SNED1: variants seen among roughly 807,000 people sequenced by gnomAD.
SNED1 encodes the protein sushi, nidogen and EGF-like domain-containing protein 1.
A neutral mutation model predicts 166.7 loss-of-function variants in SNED1; 81 were observed. The observed-to-expected ratio is 0.49, with a 90% CI of 0.41 to 0.58. The LOEUF (loss-of-function observed/expected upper bound fraction) is 0.58. Ranked by LOEUF, SNED1 falls within the 20% of genes least tolerant of loss-of-function variation. SNED1 has a pLI of 0.00. For synonymous variants in SNED1, 762 were observed against 822.0 expected (o/e 0.93, Z 1.25); for missense variants, 1,604 against 2,000.2 (o/e 0.80, Z 3.78).
At chr2:241,085,893 G>A (rs1474689809) in intron 29 of SNED1, among the ~76,000 whole-genome samples, 1 of 115,424 alleles carries the variant, frequency 8.7e-6, no homozygotes, top group East Asian at 2.9e-4. Context: ...TTGAGACAGT[G>A]TCTTGCTCTG....
chr2:241,053,249 G>A lies in SNED1; in HGVS notation c.2180G>A (p.Gly727Asp). 1.9e-6 allele frequency: 3 copies of A among 1,607,050 alleles called. No individual in the cohort carries two copies. Among genetic ancestry groups the A allele is most frequent in the Non-Finnish European group, 2.5e-6 (3 of 1,177,748 alleles). The change falls in exon 16 of 32, where the codon GGC (glycine) becomes GAC (aspartate). Residue 727 changes from glycine to aspartate, a missense_variant. By Grantham distance (94) the Gly-to-Asp change is moderately conservative (BLOSUM62 -1). Coordinates refer to ENST00000310397, the MANE Select transcript of SNED1 (RefSeq NM_001080437.3). ...GAVALYACDR[G>D]YSLSAPSRIR... ...GTGGCCCTGTATGCATGTGACCGTG[G>A]CTACAGCCTGAGCGCCCCCAGCCGC...
chr2:241,017,468 C>T (rs10180740), intron 1 of SNED1, among the ~76,000 whole-genome samples: 1,566 of 152,370 alleles, frequency 0.01, 29 homozygotes, highest in African/African-American at 0.036. Context: ...CCCAAGGCGA[C>T]GGTTCATCCC....
chr2:241,012,057 A>G (rs890227409), intron 1 of SNED1, among the ~76,000 whole-genome samples: 3 of 152,202 alleles, frequency 2.0e-5, no homozygotes, highest in African/African-American at 7.2e-5. Flanking sequence ...CTAGGCTCCC[A>G]CTTCAAAGGC....
rs1010893684 is a variant in SNED1 at position 241,018,192 on chromosome 2, C to T, written c.214-12092C>T. 6.6e-6 allele frequency among the ~76,000 whole-genome samples: 1 copy of T among 152,222 alleles called. No homozygotes were observed. The highest frequency in any genetic ancestry group is 6.5e-5 in the Admixed American group (1 of 15,294). The stretch of plus-strand genomic sequence containing the variant: ...GTTAAGTCTTTTTGCCATGTCACCG[C>T]GCATTTGCAGCTTTGGTCACCATAC... On this transcript the variant is annotated intron_variant, in intron 1 of 31. Coordinates refer to ENST00000310397, the MANE Select transcript of SNED1 (RefSeq NM_001080437.3). This position sits in a 1 kb window ranked among gnomAD's most constrained non-coding sequence, Gnocchi z 5.4.
intron 29 of SNED1, among the ~76,000 whole-genome samples, chr2:241,084,628 C>T (rs917049177): frequency 2.0e-5 from 3 of 152,168 alleles, no homozygotes; most frequent in Admixed American, 6.5e-5. Context: ...CTGCACTATA[C>T]GTTATTTTTG....
rs2061856731 is a variant in SNED1 at position 241,051,932 on chromosome 2, C to T, written c.1852+72C>T. 2.7e-6 allele frequency: 4 copies of T among 1,472,252 alleles called. No individual in the cohort carries two copies. In the East Asian group the frequency reaches 9.8e-5, roughly 36 times the overall value. The allele number at this position is 1,472,252 out of a possible 1,614,324, so 91.2% of individuals were successfully genotyped here. On this transcript the variant is annotated intron_variant, in intron 13 of 31. Transcript: ENST00000310397. This position sits in a 1 kb window ranked among gnomAD's most constrained non-coding sequence, Gnocchi z 4.7. ...CCTGAGCTGGGGCCCCTGATGCACC[C>T]TCCCTGCCAGCTGTGGGTCTGCTTC...
chr2:241,014,713 C>T (rs1417402621), intron 1 of SNED1, among the ~76,000 whole-genome samples: 4 of 152,142 alleles, frequency 2.6e-5, no homozygotes, highest in Non-Finnish European at 5.9e-5. Flanking sequence ...TTAATGGCAT[C>T]CTTGGGTGGA....
chr2:241,046,264 A>T (rs1290284842), intron 8 of SNED1, among the ~76,000 whole-genome samples: 1 of 152,252 alleles, frequency 6.6e-6, no homozygotes, highest in Non-Finnish European at 1.5e-5. Context: ...TATAAGGTTA[A>T]GTATATGCTT....
At chr2:241,055,696 T>G (rs1040737930) in intron 16 of SNED1, among the ~76,000 whole-genome samples, 1 of 152,236 alleles carries the variant, frequency 6.6e-6, no homozygotes. Flanking sequence ...AAGCCACAGA[T>G]GCAGAGAGTA....
At position 241,037,338 on chromosome 2, in the gene SNED1, C is replaced by A. The variant is rs767242172; in HGVS notation, c.1030C>A (p.Pro344Thr). ...RCQCPAGFGG[P>T]TCETAQSPCD... ...CCAGTGCCCGGCTGGCTTTGGGGGA[C>A]CCACCTGTGAGACAGGTAAGAGGAA... Residue 344 changes from proline to threonine, a missense_variant, in exon 6 of 32, where the codon CCC (proline) becomes ACC (threonine). Pro to Thr is a conservative substitution (Grantham distance 38). Transcript: ENST00000310397. 1 of 1,607,766 alleles carries A rather than the reference C, an allele frequency of 6.2e-7. No homozygotes were observed. The highest frequency in any genetic ancestry group is 8.5e-7 in the Non-Finnish European group (1 of 1,177,528).
intron 1 of SNED1, among the ~76,000 whole-genome samples, chr2:241,008,351 C>CCTCCTGCCTCCTATTCA (rs1323616649): frequency 1.3e-5 from 2 of 152,214 alleles, no homozygotes; most frequent in African/African-American, 2.4e-5. Flanking sequence ...GCTCCAGTCT[C>CCTCCTGCCTCCTATTCA]CTCCTGCCTC....
chr2:241,012,438 T>G (rs2060440341), intron 1 of SNED1, among the ~76,000 whole-genome samples: 1 of 152,264 alleles, frequency 6.6e-6, no homozygotes, highest in Non-Finnish European at 1.5e-5. Context: ...CTCCGGCCTG[T>G]GAAAGCGCCT....
chr2:241,082,344 G>T lies in SNED1; in HGVS notation c.4101G>T (p.Glu1367Asp), dbSNP rs1457983863. ...FSETKAFPVWEGGVCHHVYKR... is the reference protein window; with the variant it reads ...FSETKAFPVWDGGVCHHVYKR... ...AGACAAAGGCCTTTCCAGTCTGGGAGGGAGGCGTCTGTCACCACGTGTAAG... is the reference window on the plus strand; with the variant it reads ...AGACAAAGGCCTTTCCAGTCTGGGATGGAGGCGTCTGTCACCACGTGTAAG... Residue 1367 changes from glutamate (E) to aspartate (D), a missense_variant, in exon 29 of 32, where the codon GAG (glutamate) becomes GAT (aspartate). By Grantham distance (45) the Glu-to-Asp change is conservative. Coordinates refer to ENST00000310397, the MANE Select transcript of SNED1 (RefSeq NM_001080437.3). The T allele has an allele frequency of 5.6e-6, 9 of 1,613,362 alleles. No individual in the cohort carries two copies. Among genetic ancestry groups the T allele is most frequent in the Non-Finnish European group, 7.6e-6 (9 of 1,179,468 alleles).
chr2:241,050,829 G>GC (rs1553570925), intron 12 of SNED1, among the ~76,000 whole-genome samples: 2 of 120,558 alleles, frequency 1.7e-5, no homozygotes, highest in East Asian at 4.3e-4. Context: ...CTGTACCCAA[G>GC]GTGGGGGTCC....
rs566133959 is a variant in SNED1, at chr2:241,069,043, C to T, written c.3307+20C>T. The T allele has an allele frequency of 8.2e-4, 1,232 of 1,505,400 alleles. 4 individuals are homozygous for T. The highest frequency in any genetic ancestry group is 9.5e-4 in the Non-Finnish European group (1,058 of 1,110,496). 93.3% of individuals were successfully genotyped at this position (1,505,400 alleles called of 1,614,324 possible). On this transcript the variant is annotated intron_variant, in intron 23 of 31. Coordinates refer to ENST00000310397, the MANE Select transcript of SNED1 (RefSeq NM_001080437.3). The surrounding 1 kb of genome is among the most constrained non-coding windows in gnomAD (Gnocchi z 4.9). ...GGACCCGTGAGTAGAGCAGCGCGGC[C>T]CCCGGCACACGAAAGGCCGTCTTCT...
At chr2:241,053,952 A>C (rs1362915430) in intron 16 of SNED1, among the ~76,000 whole-genome samples, 1 of 152,214 alleles carries the variant, frequency 6.6e-6, no homozygotes, top group Non-Finnish European at 1.5e-5. Flanking sequence ...AGTTTTTACG[A>C]AGCAAGGATT....
In SNED1 at chr2:241,034,615, C is replaced by T. The variant is rs564663617; in HGVS notation, c.690C>T (p.Gly230=). 23 of 1,611,622 alleles carry T rather than the reference C, an allele frequency of 1.4e-5. 1 individual carries two copies. In the South Asian group the frequency reaches 2.0e-4, roughly 14 times the overall value. Residue 230 remains glycine (G), a synonymous_variant, in exon 4 of 32, where the codon GGC becomes GGT. Transcript: ENST00000310397. ...GGCAGCGTTACTTCAGTATCCCCGG[C>T]TCGCGCACAGCAGACATGGCCGAGG... ...GDGQRYFSIP[G]SRTADMAEVE...
chr2:241,028,742 A>G (rs2061062561), intron 1 of SNED1, among the ~76,000 whole-genome samples: 1 of 152,178 alleles, frequency 6.6e-6, no homozygotes, highest in Admixed American at 6.5e-5. Flanking sequence ...CTTCCTTTCC[A>G]AGATTGTTTT....
rs80240070 is a variant in SNED1 at position 241,064,635 on chromosome 2, C to T, written c.2600-209C>T. 0.015 allele frequency among the ~76,000 whole-genome samples: 2,293 copies of T among 152,334 alleles called. 165 individuals carry two copies. Among genetic ancestry groups the T allele is most frequent in the Admixed American group, 0.11 (1,630 of 15,304 alleles). ...TCCCCTCAGCCAGTCCGGCTGGTGG[C>T]ACTCCGCTGTGGAGGGTGGAGGAGC... On this transcript the variant is annotated intron_variant, in intron 19 of 31. Coordinates refer to ENST00000310397, the MANE Select transcript of SNED1 (RefSeq NM_001080437.3). The surrounding 1 kb of genome is among the most constrained non-coding windows in gnomAD (Gnocchi z 7.0).
Sources: gnomAD v4.1 joint callset for allele counts (sites outside exome capture counted in the v4.1 genomes callset) on GRCh38, gnomAD v4.1.1 for gene constraint, Gnocchi (gnomAD v3.1) non-coding constraint, MANE v1.5 for transcripts, NCBI Gene and HGNC (gene_info 2026-07-23, HGNC 2026-07-21) for gene names.